Variants in WDR20 observed in about 807,000 individuals in gnomAD.
The protein encoded by WDR20 is WD repeat domain 20, also known as WD repeat-containing protein 20.
In WDR20, 3 loss-of-function variants were observed where a neutral mutation model predicts 38.7. The ratio of observed to expected loss-of-function variants is 0.08; its 90% CI spans 0.04 to 0.20. WDR20 has a LOEUF of 0.20. WDR20 is among the 10% of genes least tolerant of loss of function. WDR20 has a pLI of 1.00. For missense variants in WDR20, 559 were observed against 727.7 expected, an observed-to-expected ratio of 0.77 and a Z score of 2.67; for synonymous variants, 298 against 285.6, an observed-to-expected ratio of 1.04 and a Z score of -0.44.
chr14:102,195,038 C>G lies in WDR20; in HGVS notation c.350C>G (p.Ser117Cys), dbSNP rs759334385. 5.6e-6 allele frequency: 9 copies of G among 1,614,112 alleles called. No homozygotes were observed. The highest frequency in any genetic ancestry group is 7.6e-6 in the Non-Finnish European group (9 of 1,180,050). The stretch of plus-strand genomic sequence containing the variant: ...CTAACAGCCACAGCAGAAAGTGTCT[C>G]TCTCCTAGTGGGCTTTTCCGCAGGC... ...NHLTATAESV[S>C]LLVGFSAGQV... Residue 117 changes from serine (S) to cysteine (C), a missense_variant, in exon 2 of 3, where the codon TCT becomes TGT. Ser to Cys is a moderately radical substitution (Grantham distance 112). Coordinates refer to ENST00000342702, the MANE Select transcript of WDR20 (RefSeq NM_144574.4).
chr14:102,202,632 G>T lies in WDR20; in HGVS notation c.433-5971G>T, dbSNP rs1025172741. ...CCTGACCTCGTGATCCGCCCGCCTT[G>T]GCCTCCCAAAGTACTGGGATTACAG... On this transcript the variant is annotated intron_variant, in intron 2 of 2. Transcript: ENST00000342702. Among the ~76,000 whole-genome samples the T allele has an allele frequency of 2.6e-5, 4 of 152,036 alleles. No homozygotes were observed. In the South Asian group the frequency reaches 8.3e-4, roughly 32 times the overall value.
At chr14:102,163,433 G>A (rs2059154517) in intron 1 of WDR20, among the ~76,000 whole-genome samples, 2 of 152,038 alleles carry the variant, frequency 1.3e-5, no homozygotes. Context: ...TTGGAGACCA[G>A]CCTGGCCAAC....
At chr14:102,213,860 AGG>A, downstream of WDR20, 1 of 985,460 alleles carries the variant, frequency 1.0e-6, no homozygotes, top group Non-Finnish European at 1.2e-6. Context: ...CGGCTGGAGA[AGG>A]GATCCACGGA....
chr14:102,178,207 C>A (rs2062579071), intron 1 of WDR20, among the ~76,000 whole-genome samples: 1 of 151,946 alleles, frequency 6.6e-6, no homozygotes, highest in Non-Finnish European at 1.5e-5. Flanking sequence ...GTCTGGCTAA[C>A]ATGGTGAAAC....
intron 1 of WDR20, among the ~76,000 whole-genome samples, chr14:102,170,636 A>AG (rs2060614051): frequency 6.6e-6 from 1 of 151,804 alleles, no homozygotes; most frequent in African/African-American, 2.4e-5. Context: ...AAAAAAAAAA[A>AG]TTAAGTTGGT....
At chr14:102,206,038 AATGACGTG>A (rs1465951944) in intron 2 of WDR20, among the ~76,000 whole-genome samples, 3 of 152,096 alleles carry the variant, frequency 2.0e-5, no homozygotes, top group African/African-American at 7.2e-5. Context: ...GCTGGAATGC[AATGACGTG>A]ATCTTGGCTC....
rs746231308 is a variant in WDR20, at chr14:102,209,443, G to C, written c.1273G>C (p.Val425Leu). The C allele has an allele frequency of 6.2e-7, 1 of 1,614,180 alleles. No homozygotes were observed. Among genetic ancestry groups the C allele is most frequent in the Non-Finnish European group, 8.5e-7 (1 of 1,180,032 alleles). The change falls in exon 3 of 3, where the codon GTG (valine) becomes CTG (leucine). Residue 425 changes from valine to leucine, a missense_variant. By Grantham distance (32) the Val-to-Leu change is conservative. Coordinates refer to ENST00000342702, the MANE Select transcript of WDR20 (RefSeq NM_144574.4). This position sits in a 1 kb window ranked among gnomAD's most constrained non-coding sequence, Gnocchi z 6.0. ...CAGTGTTACAACACCCGGGAACTCTGTGCCGCCTCCTCTGCCACGGTCCAA... is the reference window on the plus strand; with the variant it reads ...CAGTGTTACAACACCCGGGAACTCTCTGCCGCCTCCTCTGCCACGGTCCAA... The part of the protein sequence containing the change: ...GNSVTTPGNS[V>L]PPPLPRSNSL...
chr14:102,174,205 C>G (rs2061579173), intron 1 of WDR20, among the ~76,000 whole-genome samples: 1 of 152,058 alleles, frequency 6.6e-6, no homozygotes, highest in Non-Finnish European at 1.5e-5. Context: ...TATAAATATG[C>G]ATGTGCAAGT....
chr14:102,190,974 C>T (rs935205751), intron 1 of WDR20, among the ~76,000 whole-genome samples: 2 of 148,954 alleles, frequency 1.3e-5, no homozygotes, highest in Admixed American at 1.3e-4. Context: ...GCACTGTAGC[C>T]TTGGCAACAG....
intron 1 of WDR20, among the ~76,000 whole-genome samples, chr14:102,189,107 G>T (rs1297009878): frequency 6.6e-6 from 1 of 152,002 alleles, no homozygotes; most frequent in African/African-American, 2.4e-5. Flanking sequence ...CTACTCGGGG[G>T]GCTGAGGCAG....
At chr14:102,203,611 C>A (rs571840033) in intron 2 of WDR20, among the ~76,000 whole-genome samples, 1 of 152,178 alleles carries the variant, frequency 6.6e-6, no homozygotes, top group Non-Finnish European at 1.5e-5. Flanking sequence ...TCCCCACCCC[C>A]CTGGCCTGCT....
At chr14:102,197,378 C>T (rs745819470) in intron 2 of WDR20, among the ~76,000 whole-genome samples, 13 of 152,110 alleles carry the variant, frequency 8.5e-5, no homozygotes, top group Admixed American at 6.5e-4. Context: ...GGCTAGCTGC[C>T]GCAGGAATTC....
chr14:102,216,786 C>T (rs2403030), downstream of WDR20, among the ~76,000 whole-genome samples: 6,593 of 152,074 alleles, frequency 0.043, 174 homozygotes, highest in Middle Eastern at 0.065. Context: ...AAAAATTAGC[C>T]GGGCGTGGTG....
upstream of WDR20, chr14:102,139,691 G>A (rs1193076100): frequency 4.4e-6 from 3 of 679,882 alleles, no homozygotes; most frequent in African/African-American, 1.8e-5. Flanking sequence ...ACACCCGGGG[G>A]AGGAGCCTGC....
intron 1 of WDR20, among the ~76,000 whole-genome samples, 184 bp from the exon 2 acceptor site, chr14:102,194,754 A>C (rs2059133831): frequency 6.6e-6 from 1 of 152,226 alleles, no homozygotes; most frequent in Non-Finnish European, 1.5e-5. Context: ...ATAATATCTA[A>C]TTGGCTAAGG....
intron 1 of WDR20, among the ~76,000 whole-genome samples, chr14:102,156,450 G>A (rs2057410436): frequency 6.6e-6 from 1 of 152,090 alleles, no homozygotes; most frequent in South Asian, 2.1e-4. Context: ...TTGCAGGCGT[G>A]AGCCACTGCG....
rs375338308 is a variant in WDR20 at position 102,140,182 on chromosome 14, C to A, written c.249+10C>A. ...CAAGGGGGTCCGCAAGGTACCGACC[C>A]GGGCGTCACCGGAGCCAGCCAGCGG... On this transcript the variant is annotated intron_variant, in intron 1 of 2. Transcript: ENST00000342702. 3.7e-6 allele frequency: 6 copies of A among 1,609,114 alleles called. No individual in the cohort carries two copies. Among genetic ancestry groups the A allele is most frequent in the Non-Finnish European group, 4.2e-6 (5 of 1,179,724 alleles).
chr14:102,204,284 A>G (rs1003355867), intron 2 of WDR20, among the ~76,000 whole-genome samples: 1 of 152,052 alleles, frequency 6.6e-6, no homozygotes, highest in Non-Finnish European at 1.5e-5. Flanking sequence ...TTAGCCTGAT[A>G]TTTGCTGTCT....
exon 4 of WDR20, chr14:102,223,056 C>T: frequency 3.1e-6 from 2 of 639,652 alleles, no homozygotes; most frequent in South Asian, 2.1e-5. Context: ...TCCCGCTGCT[C>T]ACCCAAAGAA....
Sources: gnomAD v4.1 joint callset for allele counts (sites outside exome capture counted in the v4.1 genomes callset) on GRCh38, gnomAD v4.1.1 for gene constraint, Gnocchi (gnomAD v3.1) non-coding constraint, MANE v1.5 for transcripts, NCBI Gene and HGNC (gene_info 2026-07-23, HGNC 2026-07-21) for gene names.